The following SGCZ variants were observed in gnomAD, a reference collection of about 807,000 sequenced individuals.
SGCZ encodes sarcoglycan zeta.
Under a neutral mutation model 41.3 loss-of-function variants are expected in SGCZ, and 40 were observed. The observed-to-expected ratio is 0.97, with a 90% CI of 0.75 to 1.26. SGCZ has a LOEUF of 1.26. Among genes scored for constraint, SGCZ ranks in the 50% most tolerant of loss-of-function variants. SGCZ has a pLI of 0.00. For missense variants in SGCZ, 552 were observed against 369.8 expected (o/e 1.49, Z -4.04); for synonymous variants, 206 against 137.5 (o/e 1.50, Z -3.49).
chr8:14,438,646 T>G (rs889703392), intron 2 of SGCZ, among the ~76,000 whole-genome samples: 28 of 152,074 alleles, frequency 1.8e-4, no homozygotes, highest in African/African-American at 6.5e-4. Context: ...GGATAAATTT[T>G]GTATTAAAAT....
At chr8:15,007,238 T>G (rs117809637) in intron 1 of SGCZ, among the ~76,000 whole-genome samples, 1,921 of 152,344 alleles carry the variant, frequency 0.013, 20 homozygotes, top group Non-Finnish European at 0.021. Flanking sequence ...AAAGTATATT[T>G]AGATATTAAT....
chr8:15,008,475 T>C (rs1769862449), intron 1 of SGCZ, among the ~76,000 whole-genome samples: 1 of 144,036 alleles, frequency 6.9e-6, no homozygotes. Context: ...CCTTCAACTG[T>C]GGAATGAAAA....
At chr8:15,022,978 C>T (rs1427932607) in intron 1 of SGCZ, among the ~76,000 whole-genome samples, 1 of 152,146 alleles carries the variant, frequency 6.6e-6, no homozygotes, top group African/African-American at 2.4e-5. Flanking sequence ...TGGGATTTGT[C>T]AGCCCTATAC....
intron 1 of SGCZ, among the ~76,000 whole-genome samples, chr8:14,877,743 G>A (rs898296754): frequency 5.9e-5 from 9 of 151,972 alleles, no homozygotes; most frequent in African/African-American, 1.9e-4. Context: ...TTCACAATGG[G>A]AGCTTCCAAA....
intron 1 of SGCZ, among the ~76,000 whole-genome samples, chr8:14,929,357 T>C (rs1303629107): frequency 6.6e-6 from 1 of 152,184 alleles, no homozygotes; most frequent in Non-Finnish European, 1.5e-5. Flanking sequence ...GTGAGAGGCA[T>C]ATGCTTTAGA....
chr8:14,408,966 T>TGTGTGTGCGTGTGC (rs1395616202), intron 2 of SGCZ, among the ~76,000 whole-genome samples: 127 of 136,758 alleles, frequency 9.3e-4, no homozygotes, highest in Non-Finnish European at 1.1e-3. Flanking sequence ...TGTGTGTGTG[T>TGTGTGTGCGTGTGC]GTGTGCATGT....
intron 1 of SGCZ, among the ~76,000 whole-genome samples, chr8:14,880,769 C>T (rs1177323689): frequency 6.6e-6 from 1 of 151,980 alleles, no homozygotes; most frequent in Non-Finnish European, 1.5e-5. Flanking sequence ...CACTTGGACA[C>T]AGGAAGGGGA....
At chr8:14,776,783 G>A (rs1192926901) in intron 1 of SGCZ, among the ~76,000 whole-genome samples, 1 of 151,810 alleles carries the variant, frequency 6.6e-6, no homozygotes, top group African/African-American at 2.4e-5. Flanking sequence ...GTGAGCTATG[G>A]CGCCCAGCCC....
In SGCZ at chr8:14,546,189, T is replaced by A. The variant is rs143027088; in HGVS notation, c.234+8543A>T. Among the ~76,000 whole-genome samples, 410 of 152,248 alleles carry A rather than the reference T, an allele frequency of 2.7e-3. 5 individuals carry two copies. Among genetic ancestry groups the A allele is most frequent in the African/African-American group, 9.0e-3 (372 of 41,560 alleles). On this transcript the variant is annotated intron_variant, in intron 2 of 7. Coordinates refer to ENST00000382080, the MANE Select transcript of SGCZ (RefSeq NM_139167.4). The stretch of plus-strand genomic sequence containing the variant: ...CCACACACACCACACTGAGGGGCAG[T>A]GCGGTCTCTGCTGCTGGTGCTCGCA...
At chr8:14,121,997 G>C (rs1036440746) in intron 5 of SGCZ, among the ~76,000 whole-genome samples, 34 of 152,144 alleles carry the variant, frequency 2.2e-4, no homozygotes, top group African/African-American at 7.7e-4. Flanking sequence ...ACTTTAAGGA[G>C]GCCGGGTGCT....
intron 1 of SGCZ, among the ~76,000 whole-genome samples, chr8:14,630,747 C>G (rs961085488): frequency 8.6e-5 from 13 of 151,746 alleles, no homozygotes; most frequent in Admixed American, 6.6e-5. Flanking sequence ...TGGAAACCAT[C>G]ATTCTGAGCA....
At chr8:15,009,562 C>T (rs905079850) in intron 1 of SGCZ, among the ~76,000 whole-genome samples, 5 of 152,084 alleles carry the variant, frequency 3.3e-5, no homozygotes, top group African/African-American at 1.2e-4. Context: ...GAAGGTGATG[C>T]AATGTCATAT....
chr8:14,230,766 T>C (rs7461253), intron 4 of SGCZ, among the ~76,000 whole-genome samples: 5 of 92,754 alleles, frequency 5.4e-5, no homozygotes, highest in Non-Finnish European at 9.0e-5. Context: ...TTGGTGGTGG[T>C]GGGGGGGTGG....
intron 2 of SGCZ, among the ~76,000 whole-genome samples, chr8:14,531,069 C>G (rs1357660282): frequency 6.6e-6 from 1 of 151,964 alleles, no homozygotes; most frequent in Non-Finnish European, 1.5e-5. Context: ...GTCCATGGAC[C>G]AGACTGAGAA....
intron 1 of SGCZ, among the ~76,000 whole-genome samples, chr8:15,021,437 T>C (rs190609541): frequency 1.3e-5 from 2 of 152,328 alleles, no homozygotes; most frequent in African/African-American, 4.8e-5. Context: ...TTACATAGCA[T>C]ACAGATCAGA....
intron 3 of SGCZ, among the ~76,000 whole-genome samples, chr8:14,272,866 C>A (rs1308821755): frequency 6.6e-6 from 1 of 151,954 alleles, no homozygotes; most frequent in Non-Finnish European, 1.5e-5. Flanking sequence ...CTGTAGGGTA[C>A]TATGTAAAAA....
intron 2 of SGCZ, among the ~76,000 whole-genome samples, chr8:14,505,172 A>ATG (rs1295346481): frequency 1.3e-5 from 2 of 152,170 alleles, no homozygotes; most frequent in Admixed American, 6.5e-5. Flanking sequence ...TTATATATAT[A>ATG]GAAAATATTT....
intron 5 of SGCZ, among the ~76,000 whole-genome samples, chr8:14,158,427 G>C (rs1803940992): frequency 6.6e-6 from 1 of 152,108 alleles, no homozygotes; most frequent in South Asian, 2.1e-4. Context: ...AGCTATAAAA[G>C]CTGACTAGAT....
chr8:14,686,859 G>T (rs1479018560), intron 1 of SGCZ, among the ~76,000 whole-genome samples: 1 of 152,046 alleles, frequency 6.6e-6, no homozygotes, highest in Non-Finnish European at 1.5e-5. Context: ...CTGCCACATG[G>T]CTTCATCAGC....
Sources: allele counts gnomAD v4.1 joint callset (sites outside exome capture counted in the v4.1 genomes callset), GRCh38; gene constraint gnomAD v4.1.1; transcripts MANE v1.5; gene names NCBI Gene and HGNC (gene_info 2026-07-23, HGNC 2026-07-21).